Variants in ADAMTS15 observed in about 807,000 individuals in gnomAD.
ADAMTS15 encodes ADAM metallopeptidase with thrombospondin type 1 motif 15.
In ADAMTS15, 35 loss-of-function variants were observed where a neutral mutation model predicts 79.1. That is an observed-to-expected ratio of 0.44 (90% confidence interval 0.34 to 0.59). The LOEUF is 0.59. Ranked by LOEUF, ADAMTS15 falls within the 20% of genes least tolerant of loss-of-function variation. The pLI is 0.02. For synonymous variants in ADAMTS15, 616 were observed against 567.3 expected (o/e 1.09, Z -1.22); for missense variants, 1,324 against 1,318.7 (o/e 1.00, Z -0.06).
intron 5 of ADAMTS15, among the ~76,000 whole-genome samples, chr11:130,470,145 T>TACACAC: frequency 3.4e-5 from 2 of 59,364 alleles, no homozygotes; most frequent in African/African-American, 1.9e-4. Flanking sequence ...TATATATATA[T>TACACAC]ATATATGTGT....
chr11:130,470,358 A>G (rs1938426093), intron 5 of ADAMTS15, among the ~76,000 whole-genome samples: 1 of 151,162 alleles, frequency 6.6e-6, no homozygotes, highest in Non-Finnish European at 1.5e-5. Context: ...CTGGGATTAT[A>G]GGTGCCTGCC....
chr11:130,462,095 T>C lies in ADAMTS15; in HGVS notation c.1099T>C (p.Phe367Leu), dbSNP rs1371447286. The C allele has an allele frequency of 6.2e-7, 1 of 1,612,040 alleles. No homozygotes were observed. The highest frequency in any genetic ancestry group is 2.2e-5 in the East Asian group (1 of 44,746). Residue 367 changes from phenylalanine to leucine, a missense_variant, in exon 3 of 8, where the codon TTC (phenylalanine) becomes CTC (leucine). Phe to Leu is a conservative substitution (Grantham distance 22). Coordinates refer to ENST00000299164, the MANE Select transcript of ADAMTS15 (RefSeq NM_139055.4). The surrounding 1 kb of genome is among the most constrained non-coding windows in gnomAD (Gnocchi z 4.3). The part of the protein sequence containing the change: ...FTTAHELGHV[F>L]NMPHDNVKVC... Reference sequence around the variant, plus strand: ...CTTGCCTTACCCCACAGGCCACGTGTTCAACATGCCCCATGACAATGTGAA... The same window carrying C: ...CTTGCCTTACCCCACAGGCCACGTGCTCAACATGCCCCATGACAATGTGAA...
rs1382306852 is a variant in ADAMTS15, at chr11:130,474,185, G to A, written c.*364G>A. The A allele has an allele frequency of 4.4e-6, 1 of 227,684 alleles. No homozygotes were observed. Among genetic ancestry groups the A allele is most frequent in the African/African-American group, 2.3e-5 (1 of 44,374 alleles). 14.1% of individuals were successfully genotyped at this position (227,684 alleles called of 1,614,324 possible). A position where few individuals can be genotyped will look rare whatever the true frequency, so the allele number is the denominator to read the frequency against. The stretch of plus-strand genomic sequence containing the variant: ...CCCAGAACGGAGGCCACAGGCTGCT[G>A]GAAGAGCCATGTCCCAGCAGCTTGG... On this transcript the variant is annotated 3_prime_UTR_variant, in exon 8 of 8. Transcript: ENST00000299164.
intron 4 of ADAMTS15, among the ~76,000 whole-genome samples, chr11:130,468,983 A>G (rs1488998865): frequency 4.0e-5 from 6 of 149,196 alleles, no homozygotes; most frequent in Non-Finnish European, 8.9e-5. Context: ...CACATCTCAC[A>G]TCTGTCTCAC....
intron 1 of ADAMTS15, among the ~76,000 whole-genome samples, chr11:130,459,413 G>A (rs979943804): frequency 1.3e-5 from 2 of 152,272 alleles, no homozygotes; most frequent in East Asian, 3.9e-4. Context: ...CGATCTGCCT[G>A]CCTTGGCCTC....
intron 1 of ADAMTS15, among the ~76,000 whole-genome samples, chr11:130,451,518 A>C (rs2134715694): frequency 6.6e-6 from 1 of 152,294 alleles, no homozygotes. Context: ...GGGAAGCTGC[A>C]AAGGAGGTGG....
At chr11:130,469,628 C>T (rs866056847) in intron 5 of ADAMTS15, among the ~76,000 whole-genome samples, 189 bp downstream of exon 5, 6 of 152,332 alleles carry the variant, frequency 3.9e-5, no homozygotes, top group Middle Eastern at 6.8e-3. Context: ...TTCCAACCTT[C>T]AGGACAAAGC....
chr11:130,449,295 A>G lies in ADAMTS15; in HGVS notation c.322A>G (p.Asn108Asp). The change falls in exon 1 of 8, where the codon AAC becomes GAC. Residue 108 changes from asparagine (N) to aspartate (D), a missense_variant. Coordinates refer to ENST00000299164, the MANE Select transcript of ADAMTS15 (RefSeq NM_139055.4). The surrounding 1 kb of genome is among the most constrained non-coding windows in gnomAD (Gnocchi z 7.8). ...LRRCFYSGDV[N>D]AEPDSFAAVS... ...ACGCTGCTTCTATTCTGGGGACGTG[A>G]ACGCCGAGCCGGACTCGTTCGCTGC... 1 of 1,611,584 alleles carries G rather than the reference A, an allele frequency of 6.2e-7. No homozygotes were observed. The highest frequency in any genetic ancestry group is 8.5e-7 in the Non-Finnish European group (1 of 1,180,020).
intron 1 of ADAMTS15, among the ~76,000 whole-genome samples, chr11:130,458,046 A>G (rs1305834629): frequency 6.6e-6 from 1 of 152,110 alleles, no homozygotes; most frequent in African/African-American, 2.4e-5. Context: ...CTGGCCAAGA[A>G]GGGCCTGCAG....
At chr11:130,464,206 G>A (rs914693568) in intron 4 of ADAMTS15, among the ~76,000 whole-genome samples, 3 of 152,180 alleles carry the variant, frequency 2.0e-5, no homozygotes, top group African/African-American at 7.2e-5. Context: ...AGATGAGGCT[G>A]GAGGATGCAG....
Position 130,461,613 on chromosome 11 carries a change from AC to A in ADAMTS15, c.1083del (p.His361GlnfsTer14). 1 of 1,614,106 alleles carries A rather than the reference AC, an allele frequency of 6.2e-7. No homozygotes were observed. The highest frequency in any genetic ancestry group is 8.5e-7 in the Non-Finnish European group (1 of 1,180,012). On this transcript the variant is annotated frameshift_variant, in exon 2 of 8. Transcript: ENST00000299164. LOFTEE classifies it high-confidence loss of function. ...DGLPSAFTTA[H>X]ELGHVFNMPH... ...CTTCCATCAGCCTTCACCACTGCCC[AC>A]GAGCTGGGTAAGGCTGGATAAGCTC...
chr11:130,472,071 C>T lies in ADAMTS15; in HGVS notation c.2078+688C>T, dbSNP rs1370413459. Among the ~76,000 whole-genome samples, 1 of 152,256 alleles carries T rather than the reference C, an allele frequency of 6.6e-6. No individual in the cohort carries two copies. Among genetic ancestry groups the T allele is most frequent in the Non-Finnish European group, 1.5e-5 (1 of 68,040 alleles). On this transcript the variant is annotated intron_variant, in intron 7 of 7. Coordinates refer to ENST00000299164, the MANE Select transcript of ADAMTS15 (RefSeq NM_139055.4). This position sits in a 1 kb window ranked among gnomAD's most constrained non-coding sequence, Gnocchi z 4.7. ...ATCTGGGCCTCCCAGCTTGAGCTTC[C>T]TGAGGTCAAACATATGCTCCTTGGA...
chr11:130,473,791 G>GC lies in ADAMTS15; in HGVS notation c.2824dup (p.Leu942ProfsTer153), dbSNP rs1565400208. ...GCAACTTGCACCGCAAGCCCCAGGAGCTGGACTTCTGCGTCCTGAGGCCGT... is the reference window on the plus strand; with the variant it reads ...GCAACTTGCACCGCAAGCCCCAGGAGCCTGGACTTCTGCGTCCTGAGGCCGT... On this transcript the variant is annotated frameshift_variant, in exon 8 of 8. Transcript: ENST00000299164. LOFTEE classifies it high-confidence loss of function. 1 of 1,598,392 alleles carries GC rather than the reference G, an allele frequency of 6.3e-7. No homozygotes were observed. Among genetic ancestry groups the GC allele is most frequent in the Admixed American group, 1.7e-5 (1 of 59,982 alleles).
At chr11:130,471,614 G>A (rs547976804) in intron 7 of ADAMTS15, among the ~76,000 whole-genome samples, 6 of 152,200 alleles carry the variant, frequency 3.9e-5, no homozygotes, top group Middle Eastern at 6.8e-3. Flanking sequence ...GCTGGGGGAA[G>A]ACCCACTTAA....
Position 130,471,006 on chromosome 11 carries a change from T to A in ADAMTS15, c.1807T>A (p.Trp603Arg), listed in dbSNP as rs370391190. ...STNRLTLAVA[W>R]VPKYSGVSPR... ...CAACCGGCTCACTCTCGCCGTGGCA[T>A]GGGTGCCCAAGTACTCCGGCGTGTC... The change falls in exon 6 of 8, where the codon TGG becomes AGG. Residue 603 changes from tryptophan (W) to arginine (R), a missense_variant. Physicochemically the swap from Trp to Arg is moderately radical, Grantham distance 101. Transcript: ENST00000299164. 10 of 1,613,720 alleles carry A rather than the reference T, an allele frequency of 6.2e-6. No individual in the cohort carries two copies. The highest frequency in any genetic ancestry group is 7.6e-6 in the Non-Finnish European group (9 of 1,180,044).
In ADAMTS15 at chr11:130,456,900, C is replaced by T. The variant is rs764968735; in HGVS notation, c.958-4589C>T. 1.2e-4 allele frequency among the ~76,000 whole-genome samples: 18 copies of T among 152,130 alleles called. 1 individual carries two copies. Among genetic ancestry groups the T allele is most frequent in the Non-Finnish European group, 1.8e-4 (12 of 68,028 alleles). On this transcript the variant is annotated intron_variant, in intron 1 of 7. Coordinates refer to ENST00000299164, the MANE Select transcript of ADAMTS15 (RefSeq NM_139055.4). ...CTAGAACTTCAATGGAAGCAAAGTC[C>T]GCTACATGAGAATGCGTATGTCTTC...
At chr11:130,467,330 T>A (rs1165506884) in intron 4 of ADAMTS15, among the ~76,000 whole-genome samples, 2 of 151,826 alleles carry the variant, frequency 1.3e-5, no homozygotes, top group African/African-American at 4.8e-5. Flanking sequence ...GGAGTGAGTA[T>A]GAGGAAAGAG....
intron 1 of ADAMTS15, among the ~76,000 whole-genome samples, chr11:130,460,857 C>A: frequency 6.6e-6 from 1 of 152,142 alleles, no homozygotes; most frequent in East Asian, 1.9e-4. Context: ...TTTCATGTAT[C>A]TTTCTTCCTA....
Position 130,462,729 on chromosome 11 carries a change from G to A in ADAMTS15, c.1491G>A (p.Lys497=), listed in dbSNP as rs140984314. ...WADGTSCGEG[K]LCLKGACVER... ...ATGGCACCAGCTGTGGCGAGGGCAA[G>A]CTCTGCCTCAAAGGGGCCTGCGTGG... Residue 497 remains lysine (K), a synonymous_variant, in exon 4 of 8, where the codon AAG becomes AAA. Coordinates refer to ENST00000299164, the MANE Select transcript of ADAMTS15 (RefSeq NM_139055.4). The surrounding 1 kb of genome is among the most constrained non-coding windows in gnomAD (Gnocchi z 4.3). 1.2e-6 allele frequency: 2 copies of A among 1,607,336 alleles called. No individual in the cohort carries two copies. The highest frequency in any genetic ancestry group is 1.3e-5 in the African/African-American group (1 of 74,854).
Sources: allele counts gnomAD v4.1 joint callset (sites outside exome capture counted in the v4.1 genomes callset), GRCh38; gene constraint gnomAD v4.1.1; non-coding constraint Gnocchi (gnomAD v3.1); transcripts MANE v1.5; gene names NCBI Gene and HGNC (gene_info 2026-07-23, HGNC 2026-07-21).